The following GAB3 variants were observed in gnomAD, a reference collection of about 807,000 sequenced individuals.
GAB3 encodes GRB2 associated binding protein 3.
In GAB3, 12 loss-of-function variants were observed where a neutral mutation model predicts 40.4. The ratio of observed to expected loss-of-function variants is 0.30; its 90% confidence interval spans 0.19 to 0.48. The LOEUF is 0.48. GAB3 is among the 20% of genes least tolerant of loss of function. GAB3 has a pLI of 0.99. For missense variants in GAB3, 381 were observed against 461.9 expected (o/e 0.82, Z 1.61); for synonymous variants, 154 against 176.7 (o/e 0.87, Z 1.02).
At chrX:154,707,426 TG>T (rs1330927995) in intron 4 of GAB3, among the ~76,000 whole-genome samples, 1 of 112,473 alleles carries the variant, frequency 8.9e-6, no homozygotes, top group Non-Finnish European at 1.9e-5. Context: ...ATGATATAGA[TG>T]TATATCAAAA....
intron 4 of GAB3, among the ~76,000 whole-genome samples, chrX:154,706,817 G>T (rs941699927): frequency 2.8e-5 from 3 of 108,703 alleles, no homozygotes; most frequent in Non-Finnish European, 5.7e-5. Context: ...CAGCTTGGGG[G>T]ACTGAGGTGG....
rs368927358 is a variant in GAB3, at chrX:154,713,467, A to G, written c.377-41T>C. The stretch of plus-strand genomic sequence containing the variant: ...CCCAGGTTAATGTTTAAGAATGGCT[A>G]TAACACGCACTCAAAATTTCTCCAA... On this transcript the variant is annotated intron_variant, in intron 2 of 9. Coordinates refer to ENST00000424127, the MANE Select transcript of GAB3 (RefSeq NM_001081573.3). The G allele has an allele frequency of 3.7e-6, 4 of 1,079,360 alleles. No homozygotes were observed. In the African/African-American group the frequency reaches 7.4e-5, roughly 20 times the overall value. The allele number at this position is 1,079,360 out of a possible 1,213,427, so 89.0% of individuals were successfully genotyped here.
At chrX:154,678,736 A>G (rs142487829) in intron 9 of GAB3, among the ~76,000 whole-genome samples, 194 of 112,066 alleles carry the variant, frequency 1.7e-3, no homozygotes, top group Non-Finnish European at 3.1e-3. Flanking sequence ...TGATAGTTTT[A>G]TAAGGGGCTT....
intron 8 of GAB3, among the ~76,000 whole-genome samples, chrX:154,691,965 G>A (rs1445327475): frequency 1.8e-5 from 2 of 111,720 alleles, no homozygotes; most frequent in African/African-American, 3.2e-5. Flanking sequence ...ATGTCCACAA[G>A]CAAAAGAATG....
intron 8 of GAB3, among the ~76,000 whole-genome samples, chrX:154,688,914 A>G (rs782436623): frequency 1.8e-5 from 2 of 110,113 alleles, no homozygotes; most frequent in East Asian, 5.7e-4. Flanking sequence ...AACTCATTTT[A>G]TGAGGCCAGC....
intron 4 of GAB3, among the ~76,000 whole-genome samples, chrX:154,709,308 CCCAGTCT>C (rs1557254804): frequency 1.3e-4 from 12 of 90,614 alleles, no homozygotes; most frequent in Non-Finnish European, 2.0e-4. Context: ...ACCCAAATTA[CCCAGTCT>C]CCGGCAGTTT....
chrX:154,681,242 C>A (rs1284657184), intron 8 of GAB3, among the ~76,000 whole-genome samples: 1 of 112,065 alleles, frequency 8.9e-6, no homozygotes, highest in Non-Finnish European at 1.9e-5. Context: ...TGCTTCCCAT[C>A]CTGGCCAACA....
chrX:154,724,443 G>A (rs2071182982), intron 1 of GAB3, among the ~76,000 whole-genome samples: 1 of 111,533 alleles, frequency 9.0e-6, no homozygotes, highest in Non-Finnish European at 1.9e-5. Flanking sequence ...CTTGCCTTGG[G>A]GAAACTGCTT....
upstream of GAB3, among the ~76,000 whole-genome samples, chrX:154,751,284 CGG>C (rs1247944998): frequency 5.7e-5 from 3 of 52,337 alleles, no homozygotes; most frequent in African/African-American, 1.5e-4. Context: ...CGGCTGTGCC[CGG>C]GGGGGGGGTG....
At chrX:154,704,803 A>T (rs1484669603) in intron 4 of GAB3, among the ~76,000 whole-genome samples, 1 of 111,745 alleles carries the variant, frequency 8.9e-6, no homozygotes, top group African/African-American at 3.3e-5. Context: ...GATTGTTTTG[A>T]ACAATTATAC....
chrX:154,728,045 C>T (rs2071238135), intron 1 of GAB3, among the ~76,000 whole-genome samples: 1 of 111,363 alleles, frequency 9.0e-6, no homozygotes. Context: ...AAAGAGACAC[C>T]TCTGATTTAA....
chrX:154,731,867 G>A (rs1303931155), intron 1 of GAB3, among the ~76,000 whole-genome samples: 2 of 112,232 alleles, frequency 1.8e-5, no homozygotes, highest in Non-Finnish European at 3.8e-5. Flanking sequence ...ATCATTTGAC[G>A]CTCACACAGA....
At chrX:154,703,884 G>A (rs782566445) in intron 4 of GAB3, among the ~76,000 whole-genome samples, 162 of 111,570 alleles carry the variant, frequency 1.5e-3, no homozygotes, top group Non-Finnish European at 2.1e-3. Flanking sequence ...CAATCCCACT[G>A]CTGGGTATAT....
In GAB3 at chrX:154,740,417, T is replaced by A. The variant is rs782403001; in HGVS notation, c.72+10537A>T. 4.5e-5 allele frequency among the ~76,000 whole-genome samples: 5 copies of A among 112,315 alleles called. No individual in the cohort carries two copies. The East Asian group carries it at 1.4e-3, about 31-fold the overall frequency. Reference sequence around the variant, plus strand: ...ATATCTGAAAAGAAAATCAAGAAACTTGTCTCAGAAAAGAAATATAAGGGT... The same window carrying A: ...ATATCTGAAAAGAAAATCAAGAAACATGTCTCAGAAAAGAAATATAAGGGT... On this transcript the variant is annotated intron_variant, in intron 1 of 9. Coordinates refer to ENST00000424127, the MANE Select transcript of GAB3 (RefSeq NM_001081573.3).
chrX:154,740,912 T>C (rs183689930), intron 1 of GAB3, among the ~76,000 whole-genome samples: 1 of 111,990 alleles, frequency 8.9e-6, no homozygotes, highest in Non-Finnish European at 1.9e-5. Context: ...TTGCAGAACA[T>C]TTAGCAGCAT....
chrX:154,699,108 T>C (rs782262256), intron 6 of GAB3, among the ~76,000 whole-genome samples, 186 bp downstream of exon 6: 7 of 111,483 alleles, frequency 6.3e-5, no homozygotes, highest in Non-Finnish European at 7.5e-5. Flanking sequence ...CCTATTATCA[T>C]GACAATCTGG....
intron 1 of GAB3, among the ~76,000 whole-genome samples, chrX:154,723,698 A>G (rs782313920): frequency 2.7e-5 from 3 of 111,624 alleles, no homozygotes; most frequent in African/African-American, 9.8e-5. Flanking sequence ...AAGATGGAAA[A>G]GGGTGAGGTC....
rs1346635403 is a variant in GAB3 at position 154,707,170 on chromosome X, A to T, written c.1069+5059T>A. Among the ~76,000 whole-genome samples, 3 of 111,324 alleles carry T rather than the reference A, an allele frequency of 2.7e-5. No homozygotes were observed. In the East Asian group the frequency reaches 8.4e-4, roughly 31 times the overall value. ...AGGACAATCTCCCTCATGAACACAGATTTTTTTTGAAGTTCTAAACAAAAT... is the reference window on the plus strand; with the variant it reads ...AGGACAATCTCCCTCATGAACACAGTTTTTTTTTGAAGTTCTAAACAAAAT... On this transcript the variant is annotated intron_variant, in intron 4 of 9. Transcript: ENST00000424127.
At chrX:154,751,300 G>GGTGA (rs1474695731), upstream of GAB3, among the ~76,000 whole-genome samples, 4 of 102,062 alleles carry the variant, frequency 3.9e-5, no homozygotes, top group African/African-American at 1.4e-4. Flanking sequence ...GGGGGTGTGG[G>GGTGA]GGGGGGAGCC....
Sources: allele counts gnomAD v4.1 joint callset (sites outside exome capture counted in the v4.1 genomes callset), GRCh38; gene constraint gnomAD v4.1.1; transcripts MANE v1.5; gene names NCBI Gene and HGNC (gene_info 2026-07-23, HGNC 2026-07-21).